The following ATP2C1 variants were observed in gnomAD, a reference collection of about 807,000 sequenced individuals.
ATP2C1 encodes calcium-transporting ATPase type 2C member 1.
A neutral mutation model predicts 120.5 loss-of-function variants in ATP2C1; 31 were observed. That is an observed-to-expected ratio of 0.26 (90% CI 0.19 to 0.35). ATP2C1 has a LOEUF of 0.35. ATP2C1 is among the 10% of genes least tolerant of loss of function. The pLI, the probability that ATP2C1 is intolerant of heterozygous loss-of-function variation, is 1.00. For synonymous variants in ATP2C1, 351 were observed against 358.7 expected (o/e 0.98, Z 0.24); for missense variants, 731 against 1,107.5 (o/e 0.66, Z 4.83).
At chr3:130,920,742 G>A (rs62282191) in intron 2 of ATP2C1, among the ~76,000 whole-genome samples, 16,537 of 152,136 alleles carry the variant, frequency 0.11, 1,044 homozygotes, top group East Asian at 0.18. Flanking sequence ...TAGTGATTGC[G>A]TAGAATTTAT....
chr3:130,929,939 TGTC>T (rs2059382438), intron 2 of ATP2C1: 1 of 235,406 alleles, frequency 4.2e-6, no homozygotes, highest in Non-Finnish European at 8.4e-6. Flanking sequence ...TCTGACTTGT[TGTC>T]ATGGTGCGTT....
intron 1 of ATP2C1, among the ~76,000 whole-genome samples, chr3:130,877,591 A>G (rs1179934390): frequency 6.6e-6 from 1 of 150,756 alleles, no homozygotes; most frequent in Admixed American, 6.6e-5. Context: ...ACAATGAGAT[A>G]CCATCTCACA....
intron 8 of ATP2C1, among the ~76,000 whole-genome samples, chr3:130,951,490 T>C (rs1352148277): frequency 6.6e-6 from 1 of 152,154 alleles, no homozygotes; most frequent in Non-Finnish European, 1.5e-5. Flanking sequence ...GTCAGCTGAT[T>C]TTTAGTATTG....
At chr3:130,919,017 G>A (rs2058817262) in intron 2 of ATP2C1, 2 of 452,286 alleles carry the variant, frequency 4.4e-6, no homozygotes, top group East Asian at 6.2e-5. Context: ...CAAACAAAAA[G>A]CAGTAGCGGT....
chr3:130,914,070 C>CCTT (rs1559915113), intron 2 of ATP2C1, among the ~76,000 whole-genome samples: 2 of 152,174 alleles, frequency 1.3e-5, no homozygotes, highest in African/African-American at 4.8e-5. Context: ...TCCTCCTCCT[C>CCTT]CTTAGTACTC....
chr3:130,897,118 A>T (rs1427619789), intron 2 of ATP2C1, among the ~76,000 whole-genome samples: 3 of 152,214 alleles, frequency 2.0e-5, no homozygotes, highest in Non-Finnish European at 2.9e-5. Flanking sequence ...TAATATTGTC[A>T]TGACAGTTAA....
At chr3:130,878,639 G>C (rs1242632883) in intron 1 of ATP2C1, among the ~76,000 whole-genome samples, 1 of 152,128 alleles carries the variant, frequency 6.6e-6, no homozygotes, top group Non-Finnish European at 1.5e-5. Flanking sequence ...ATTTCTGAAA[G>C]TTAGCTTTGC....
chr3:130,878,622 C>G (rs2068682541), intron 1 of ATP2C1, among the ~76,000 whole-genome samples: 1 of 152,090 alleles, frequency 6.6e-6, no homozygotes, highest in African/African-American at 2.4e-5. Context: ...TACTTTATTT[C>G]TCCTTCATTT....
At chr3:130,865,329 C>T (rs1048190095) in intron 1 of ATP2C1, among the ~76,000 whole-genome samples, 4 of 152,148 alleles carry the variant, frequency 2.6e-5, no homozygotes, top group Non-Finnish European at 4.4e-5. Flanking sequence ...AACTAGTTTG[C>T]TATTGATTTA....
chr3:130,985,339 A>G (rs1390258099), intron 20 of ATP2C1, among the ~76,000 whole-genome samples: 2 of 152,222 alleles, frequency 1.3e-5, no homozygotes, highest in Non-Finnish European at 2.9e-5. Flanking sequence ...AAACTAAAAA[A>G]AGAAAAATAA....
chr3:130,908,601 A>C (rs1429012625), intron 2 of ATP2C1, among the ~76,000 whole-genome samples: 12 of 152,168 alleles, frequency 7.9e-5, no homozygotes, highest in Non-Finnish European at 2.9e-5. Context: ...CTTTCTCATT[A>C]CTTGACTTTT....
Position 130,949,022 on chromosome 3 carries a change from G to A in ATP2C1, c.532-4799G>A, listed in dbSNP as rs185394701. ...CTCCTTGGGCTTTCCTGTTCTCTGAGAAACAGCAATATGGAAATTAAGCCA... is the reference window on the plus strand; with the variant it reads ...CTCCTTGGGCTTTCCTGTTCTCTGAAAAACAGCAATATGGAAATTAAGCCA... On this transcript the variant is annotated intron_variant, in intron 8 of 27. Coordinates refer to ENST00000510168, the MANE Select transcript of ATP2C1 (RefSeq NM_001378687.1). Among the ~76,000 whole-genome samples the A allele has an allele frequency of 2.9e-4, 44 of 152,196 alleles. 1 individual carries two copies. The highest frequency in any genetic ancestry group is 1.0e-3 in the African/African-American group (42 of 41,528).
chr3:130,987,724 AT>A (rs2062089131), intron 20 of ATP2C1, among the ~76,000 whole-genome samples: 1 of 152,158 alleles, frequency 6.6e-6, no homozygotes, highest in Admixed American at 6.5e-5. Flanking sequence ...GCTTGTTGAC[AT>A]TTTCCCCCAT....
At chr3:131,015,462 T>C (rs1178180281) in intron 26 of ATP2C1, among the ~76,000 whole-genome samples, 3 of 152,244 alleles carry the variant, frequency 2.0e-5, no homozygotes, top group African/African-American at 7.2e-5. Flanking sequence ...CACTTCTTTT[T>C]ATCATACCCA....
Position 130,998,361 on chromosome 3 carries a change from T to C in ATP2C1, c.2459T>C (p.Met820Thr). Residue 820 changes from methionine (M) to threonine (T), a missense_variant, in exon 26 of 28, where the codon ATG (methionine) becomes ACG (threonine). Coordinates refer to ENST00000510168, the MANE Select transcript of ATP2C1 (RefSeq NM_001378687.1). The part of the protein sequence containing the change: ...MTFTCFVFFD[M>T]FNALSSRSQT... ...TTCACATGCTTTGTGTTTTTTGACA[T>C]GTTCAATGCACTAAGTTCCAGATCC... is the stretch of plus-strand genomic sequence containing the variant. 6.2e-7 allele frequency: 1 copy of C among 1,610,610 alleles called. No individual in the cohort carries two copies. Among genetic ancestry groups the C allele is most frequent in the Non-Finnish European group, 8.5e-7 (1 of 1,176,786 alleles).
chr3:130,918,129 G>A (rs2058768448), intron 2 of ATP2C1: 2 of 768,976 alleles, frequency 2.6e-6, no homozygotes, highest in Admixed American at 4.1e-5. Context: ...ACTTAATGCT[G>A]GTAGAATTTT....
intron 8 of ATP2C1, among the ~76,000 whole-genome samples, chr3:130,947,071 A>AT (rs1226037568): frequency 5.3e-5 from 8 of 152,194 alleles, no homozygotes; most frequent in East Asian, 1.9e-4. Context: ...AAGCCGCTTG[A>AT]TTTTTTCAGG....
At chr3:130,993,404 T>G (rs1055988184) in intron 21 of ATP2C1, among the ~76,000 whole-genome samples, 1 of 152,226 alleles carries the variant, frequency 6.6e-6, no homozygotes, top group Admixed American at 6.5e-5. Flanking sequence ...TCAAATGTAT[T>G]TAAACCAACT....
chr3:130,929,832 C>G (rs2059378004), intron 2 of ATP2C1: 1 of 169,820 alleles, frequency 5.9e-6, no homozygotes, highest in African/African-American at 2.4e-5. Context: ...CTTCCCCACC[C>G]TTCCCACCAG....
Sources: allele counts gnomAD v4.1 joint callset (sites outside exome capture counted in the v4.1 genomes callset), GRCh38; gene constraint gnomAD v4.1.1; transcripts MANE v1.5; gene names NCBI Gene and HGNC (gene_info 2026-07-23, HGNC 2026-07-21).